The following IKZF3 variants were observed in gnomAD, a reference collection of about 807,000 sequenced individuals.
The protein encoded by IKZF3 is IKAROS family zinc finger 3.
A neutral mutation model predicts 49.0 loss-of-function variants in IKZF3; 10 were observed. The ratio of observed to expected loss-of-function variants is 0.20; its 90% CI spans 0.13 to 0.35. The LOEUF (loss-of-function observed/expected upper bound fraction) is 0.35. IKZF3 is among the 10% of genes least tolerant of loss of function. IKZF3 has a pLI of 1.00. For missense variants in IKZF3, 498 were observed against 664.8 expected (o/e 0.75, Z 2.76); for synonymous variants, 209 against 228.2 (o/e 0.92, Z 0.76).
At chr17:39,854,268 C>T (rs1315705359) in intron 1 of IKZF3, among the ~76,000 whole-genome samples, 1 of 151,256 alleles carries the variant, frequency 6.6e-6, no homozygotes, top group African/African-American at 2.4e-5. Flanking sequence ...GTAGAATCAC[C>T]ATGAATGCAA....
chr17:39,831,620 C>T (rs1038978019), intron 2 of IKZF3, among the ~76,000 whole-genome samples: 1 of 151,874 alleles, frequency 6.6e-6, no homozygotes, highest in African/African-American at 2.4e-5. Context: ...TCTGTGTGGG[C>T]CCAAGAGGTA....
chr17:39,775,900 G>A, intron 7 of IKZF3, among the ~76,000 whole-genome samples: 1 of 151,314 alleles, frequency 6.6e-6, no homozygotes, highest in East Asian at 1.9e-4. Context: ...CCCCAGCCTG[G>A]GCGACAAGAG....
intron 1 of IKZF3, among the ~76,000 whole-genome samples, chr17:39,862,940 C>A (rs1308770897): frequency 1.3e-5 from 2 of 152,116 alleles, no homozygotes; most frequent in Non-Finnish European, 1.5e-5. Flanking sequence ...TGATTCTGTA[C>A]ATTATCCTTG....
At chr17:39,800,113 G>A (rs2061279213) in intron 3 of IKZF3, among the ~76,000 whole-genome samples, 1 of 152,124 alleles carries the variant, frequency 6.6e-6, no homozygotes. Flanking sequence ...AATATATTTG[G>A]GGAACTGCCT....
At chr17:39,829,718 G>A (rs527973644) in intron 2 of IKZF3, among the ~76,000 whole-genome samples, 22 of 152,010 alleles carry the variant, frequency 1.4e-4, no homozygotes, top group South Asian at 4.2e-4. Flanking sequence ...TTGGGAGGCC[G>A]AGATGGGCAG....
intron 1 of IKZF3, among the ~76,000 whole-genome samples, chr17:39,861,368 T>C (rs189601719): frequency 4.5e-4 from 68 of 152,304 alleles, no homozygotes; most frequent in Non-Finnish European, 8.7e-4. Flanking sequence ...AGAGCCTTCA[T>C]GGCGATGATG....
chr17:39,766,087 G>C lies in IKZF3; in HGVS notation c.1233C>G (p.Ala411=). Residue 411 remains alanine, a synonymous_variant, in exon 8 of 8, where the codon GCC becomes GCG. Transcript: ENST00000346872. ...YQQNHMVLSR[A]RNGMPLLKEV... is the part of the protein sequence containing the mutation. ...CCTTCAGAAGTGGCATCCCATTGCG[G>C]GCCCGAGACAGGACCATGTGATTTT... The C allele has an allele frequency of 1.2e-6, 2 of 1,614,170 alleles. No homozygotes were observed. Among genetic ancestry groups the C allele is most frequent in the Non-Finnish European group, 1.7e-6 (2 of 1,180,034 alleles).
At chr17:39,854,429 A>G (rs1475280663) in intron 1 of IKZF3, among the ~76,000 whole-genome samples, 1 of 152,210 alleles carries the variant, frequency 6.6e-6, no homozygotes, top group African/African-American at 2.4e-5. Flanking sequence ...ACTAAACAAA[A>G]AAAATCATCC....
intron 3 of IKZF3, among the ~76,000 whole-genome samples, chr17:39,793,326 T>C (rs192101014): frequency 1.3e-3 from 201 of 152,354 alleles, no homozygotes; most frequent in African/African-American, 4.6e-3. Context: ...CAAGGTGATG[T>C]ACTCTTAGGT....
chr17:39,778,309 C>CTTT, intron 6 of IKZF3: 2 of 351,714 alleles, frequency 5.7e-6, no homozygotes, highest in Non-Finnish European at 7.8e-6. Flanking sequence ...TTTTCTTTTT[C>CTTT]TTTTTTTTTT....
chr17:39,796,748 A>G (rs1401648016), intron 3 of IKZF3, among the ~76,000 whole-genome samples: 3 of 148,516 alleles, frequency 2.0e-5, no homozygotes, highest in Non-Finnish European at 4.5e-5. Flanking sequence ...GGGTTTCACC[A>G]TCTTGGCCAG....
At chr17:39,853,093 T>C (rs551121220) in intron 1 of IKZF3, among the ~76,000 whole-genome samples, 1 of 152,172 alleles carries the variant, frequency 6.6e-6, no homozygotes, top group Non-Finnish European at 1.5e-5. Flanking sequence ...ACTCTCCAAA[T>C]TAGCATTCTT....
At chr17:39,823,726 C>T (rs991586198) in intron 3 of IKZF3, among the ~76,000 whole-genome samples, 10 of 152,190 alleles carry the variant, frequency 6.6e-5, no homozygotes, top group Admixed American at 5.9e-4. Context: ...AGAGTACAAG[C>T]CCCAAGCCTT....
intron 1 of IKZF3, among the ~76,000 whole-genome samples, chr17:39,859,677 C>A (rs751996599): frequency 2.6e-5 from 4 of 152,168 alleles, no homozygotes; most frequent in Non-Finnish European, 5.9e-5. Context: ...GCGTGAGCCA[C>A]CACTCCTGGC....
At chr17:39,776,121 C>T (rs916895698) in intron 7 of IKZF3, among the ~76,000 whole-genome samples, 8 of 151,976 alleles carry the variant, frequency 5.3e-5, no homozygotes, top group Non-Finnish European at 4.4e-5. Context: ...CCTGGTGGTG[C>T]GTGCCCATAG....
At chr17:39,816,243 G>A (rs977925694) in intron 3 of IKZF3, among the ~76,000 whole-genome samples, 56 of 152,186 alleles carry the variant, frequency 3.7e-4, no homozygotes, top group African/African-American at 1.1e-3. Context: ...ATACATGCAT[G>A]TGATAAAAAG....
intron 1 of IKZF3, among the ~76,000 whole-genome samples, chr17:39,862,130 T>C (rs2063229850): frequency 6.6e-6 from 1 of 152,160 alleles, no homozygotes; most frequent in Non-Finnish European, 1.5e-5. Context: ...ATTAAAAAGT[T>C]ATAGCTTCTG....
chr17:39,818,560 G>T (rs191566775), intron 3 of IKZF3, among the ~76,000 whole-genome samples: 35 of 152,222 alleles, frequency 2.3e-4, no homozygotes, highest in Admixed American at 8.5e-4. Context: ...ATCTTTCAAC[G>T]TTAAAATTAG....
chr17:39,801,836 T>C (rs2061325098), intron 3 of IKZF3, among the ~76,000 whole-genome samples: 1 of 152,200 alleles, frequency 6.6e-6, no homozygotes, highest in Non-Finnish European at 1.5e-5. Flanking sequence ...TTTCTTTTTT[T>C]CTCTTTTAAA....
Sources: allele counts gnomAD v4.1 joint callset (sites outside exome capture counted in the v4.1 genomes callset), GRCh38; gene constraint gnomAD v4.1.1; transcripts MANE v1.5; gene names NCBI Gene and HGNC (gene_info 2026-07-23, HGNC 2026-07-21).